BMPR1A: variants seen among roughly 807,000 people sequenced by gnomAD.
BMPR1A encodes bone morphogenetic protein receptor type-1A.
A neutral mutation model predicts 66.0 loss-of-function variants in BMPR1A; 7 were observed. The observed-to-expected ratio is 0.11, with a 90% CI of 0.06 to 0.20. BMPR1A has a LOEUF of 0.20. Ranked by LOEUF, BMPR1A falls within the 10% of genes least tolerant of loss-of-function variation. The pLI is 1.00. For synonymous variants in BMPR1A, 200 were observed against 229.7 expected (o/e 0.87, Z 1.17); for missense variants, 408 against 669.1 (o/e 0.61, Z 4.31).
At chr10:86,855,276 C>T in intron 2 of BMPR1A, 1 of 1,092,254 alleles carries the variant, frequency 9.2e-7, no homozygotes, top group Non-Finnish European at 1.2e-6. Flanking sequence ...ATACAAAAAC[C>T]TCAGTTTCTT....
At chr10:86,798,173 A>AT (rs34265941) in intron 1 of BMPR1A, among the ~76,000 whole-genome samples, 8 of 151,060 alleles carry the variant, frequency 5.3e-5, no homozygotes, top group South Asian at 4.2e-4. Context: ...TTTTAGTCCT[A>AT]TTTTTTTTTA....
intron 7 of BMPR1A, among the ~76,000 whole-genome samples, chr10:86,903,121 C>T (rs1488737202): frequency 6.6e-6 from 1 of 152,076 alleles, no homozygotes; most frequent in Non-Finnish European, 1.5e-5. Flanking sequence ...AAATATCTGG[C>T]ATCCAACAAG....
chr10:86,786,521 T>C (rs1199088349), intron 1 of BMPR1A, among the ~76,000 whole-genome samples: 1 of 152,210 alleles, frequency 6.6e-6, no homozygotes, highest in African/African-American at 2.4e-5. Context: ...GTTGAAACAC[T>C]TTGTTCACTT....
At chr10:86,838,749 A>C (rs1227887481) in intron 1 of BMPR1A, 116 bp from the exon 2 acceptor site, 1 of 152,166 alleles carries the variant, frequency 6.6e-6, no homozygotes, top group Admixed American at 6.5e-5. Context: ...ATTTTCATTG[A>C]CTTTACTTTG....
intron 1 of BMPR1A, among the ~76,000 whole-genome samples, chr10:86,758,438 C>T (rs1847914980): frequency 6.7e-6 from 1 of 149,706 alleles, no homozygotes; most frequent in Non-Finnish European, 1.5e-5. Flanking sequence ...TCTAATTTTC[C>T]TGCTTAGTGG....
At chr10:86,875,794 T>A in intron 2 of BMPR1A, 73 bp from the exon 3 acceptor site, 1 of 587,956 alleles carries the variant, frequency 1.7e-6, no homozygotes, top group Non-Finnish European at 3.0e-6. Context: ...GGGCATTTGT[T>A]TCCCTTTTAG....
intron 2 of BMPR1A, among the ~76,000 whole-genome samples, chr10:86,861,871 T>C (rs994488103): frequency 5.3e-5 from 8 of 152,232 alleles, no homozygotes; most frequent in African/African-American, 1.9e-4. Context: ...TTCAGTTGTG[T>C]TGAGATAGGG....
chr10:86,810,584 A>T (rs749996031), intron 1 of BMPR1A, among the ~76,000 whole-genome samples: 13 of 152,022 alleles, frequency 8.6e-5, no homozygotes, highest in Non-Finnish European at 1.6e-4. Flanking sequence ...ATTTGTTATT[A>T]TTTTTTTATT....
intron 1 of BMPR1A, among the ~76,000 whole-genome samples, chr10:86,761,507 A>T (rs1263124445): frequency 1.3e-5 from 2 of 152,224 alleles, no homozygotes; most frequent in Non-Finnish European, 2.9e-5. Flanking sequence ...AATCATTTTG[A>T]AGAAAGGAAG....
At chr10:86,793,095 C>T (rs1018191989) in intron 1 of BMPR1A, among the ~76,000 whole-genome samples, 2 of 99,516 alleles carry the variant, frequency 2.0e-5, no homozygotes, top group African/African-American at 4.2e-5. Context: ...CTGATCTATA[C>T]CCCCCCCCAC....
chr10:86,920,857 T>TC (rs1843652095), intron 10 of BMPR1A, among the ~76,000 whole-genome samples: 1 of 93,476 alleles, frequency 1.1e-5, no homozygotes, highest in African/African-American at 6.0e-5. Context: ...TTTTCTTTTC[T>TC]TTTTTTTTTT....
chr10:86,912,225 C>T lies in BMPR1A; in HGVS notation c.531-15C>T. 1 of 1,612,242 alleles carries T rather than the reference C, an allele frequency of 6.2e-7. No individual in the cohort carries two copies. Among genetic ancestry groups the T allele is most frequent in the Non-Finnish European group, 8.5e-7 (1 of 1,179,692 alleles). ...TTTCATTTTTAATGTAGATTGTTTTCTGCTTTTTTAAAAGACATTATTGCA... is the reference window on the plus strand; with the variant it reads ...TTTCATTTTTAATGTAGATTGTTTTTTGCTTTTTTAAAAGACATTATTGCA... On this transcript the variant is annotated splice_polypyrimidine_tract_variant and intron_variant, in intron 7 of 12. Coordinates refer to ENST00000372037, the MANE Select transcript of BMPR1A (RefSeq NM_004329.3).
At chr10:86,893,642 G>A (rs977684606) in intron 5 of BMPR1A, among the ~76,000 whole-genome samples, 6 of 152,100 alleles carry the variant, frequency 3.9e-5, no homozygotes, top group African/African-American at 1.2e-4. Context: ...CAAAAAATTA[G>A]CTGGACGTGG....
chr10:86,872,156 T>C (rs1842862175), intron 2 of BMPR1A, among the ~76,000 whole-genome samples: 1 of 152,230 alleles, frequency 6.6e-6, no homozygotes, highest in Non-Finnish European at 1.5e-5. Flanking sequence ...ATACAAGTTA[T>C]CACAGCTTTT....
chr10:86,864,029 A>G (rs904199352), intron 2 of BMPR1A, among the ~76,000 whole-genome samples: 2 of 152,220 alleles, frequency 1.3e-5, no homozygotes, highest in Non-Finnish European at 2.9e-5. Flanking sequence ...GAGATTTAAT[A>G]GTGTTGCCAC....
chr10:86,874,666 C>T (rs985826994), intron 2 of BMPR1A, among the ~76,000 whole-genome samples: 7 of 147,762 alleles, frequency 4.7e-5, no homozygotes, highest in Non-Finnish European at 7.4e-5. Context: ...CTCAGCCTCT[C>T]AAAGTGCTGG....
intron 1 of BMPR1A, among the ~76,000 whole-genome samples, chr10:86,805,687 T>A (rs948632731): frequency 6.6e-6 from 1 of 152,096 alleles, no homozygotes; most frequent in African/African-American, 2.4e-5. Flanking sequence ...GGTCTCGATC[T>A]TCTGACCTCA....
Position 86,853,663 on chromosome 10 carries a change from G to A in BMPR1A, c.-153+14684G>A, listed in dbSNP as rs189427558. On this transcript the variant is annotated intron_variant, in intron 2 of 12. Transcript: ENST00000372037. ...AAAGAGAGAAATTTTAAAGCTGGGCGTCCGGGGGAGACATCACATGTCGGT... is the reference window on the plus strand; with the variant it reads ...AAAGAGAGAAATTTTAAAGCTGGGCATCCGGGGGAGACATCACATGTCGGT... Among the ~76,000 whole-genome samples the A allele has an allele frequency of 2.8e-4, 43 of 152,254 alleles. No individual in the cohort carries two copies. In the South Asian group the frequency reaches 3.7e-3, roughly 13 times the overall value.
At chr10:86,790,414 G>A (rs922553535) in intron 1 of BMPR1A, among the ~76,000 whole-genome samples, 1 of 151,502 alleles carries the variant, frequency 6.6e-6, no homozygotes, top group Non-Finnish European at 1.5e-5. Context: ...AAAGCTAAAT[G>A]TTGAGTTTCC....
Sources: gnomAD v4.1 joint callset for allele counts (sites outside exome capture counted in the v4.1 genomes callset) on GRCh38, gnomAD v4.1.1 for gene constraint, MANE v1.5 for transcripts, NCBI Gene and HGNC (gene_info 2026-07-23, HGNC 2026-07-21) for gene names.